TNKS2: variants seen among roughly 807,000 people sequenced by gnomAD.
TNKS2 encodes tankyrase 2, also known as poly [ADP-ribose] polymerase tankyrase-2.
TNKS2 carries 72 observed loss-of-function variants against 137.6 expected under a neutral mutation model. The observed-to-expected ratio is 0.52, with a 90% CI of 0.43 to 0.64. TNKS2 has a LOEUF of 0.64. Ranked by LOEUF, TNKS2 falls within the 30% of genes least tolerant of loss-of-function variation. The pLI, the probability that TNKS2 is intolerant of heterozygous loss-of-function variation, is 0.00. For synonymous variants in TNKS2, 516 were observed against 512.1 expected (o/e 1.01, Z -0.10); for missense variants, 1,049 against 1,410.2 (o/e 0.74, Z 4.10).
Position 91,855,643 on chromosome 10 carries a change from T to C in TNKS2, c.2943T>C (p.Asp981=). The C allele has an allele frequency of 1.2e-6, 2 of 1,613,276 alleles. No individual in the cohort carries two copies. The highest frequency in any genetic ancestry group is 8.5e-7 in the Non-Finnish European group (1 of 1,179,618). ...EMQSTVREHR[D]GGHAGGIFNR... is the part of the protein sequence containing the mutation. ...AAAGTACAGTTCGAGAGCACAGAGA[T>C]GGAGGTCATGCAGGTGGAATCTTCA... is the stretch of plus-strand genomic sequence containing the variant. The change falls in exon 23 of 27, where the codon GAT becomes GAC. Residue 981 remains aspartate, a synonymous_variant. Coordinates refer to ENST00000371627, the MANE Select transcript of TNKS2 (RefSeq NM_025235.4).
At position 91,859,625 on chromosome 10, in the gene TNKS2, C is replaced by T. The variant is rs1364108808; in HGVS notation, c.3258C>T (p.Asp1086=). The T allele has an allele frequency of 6.2e-7, 1 of 1,612,046 alleles. No homozygotes were observed. The highest frequency in any genetic ancestry group is 2.2e-5 in the East Asian group (1 of 44,834). The stretch of plus-strand genomic sequence containing the variant: ...GTACTGGGTGTCCAGTTCACAAAGA[C>T]AGATCTTGTTACATTTGCCACAGGT... The part of the protein sequence containing the change: ...GGGTGCPVHK[D]RSCYICHRQL... The change falls in exon 25 of 27, where the codon GAC becomes GAT. Residue 1086 remains aspartate, a synonymous_variant. Coordinates refer to ENST00000371627, the MANE Select transcript of TNKS2 (RefSeq NM_025235.4).
At chr10:91,837,832 A>G (rs1035196410) in intron 13 of TNKS2, among the ~76,000 whole-genome samples, 1 of 152,200 alleles carries the variant, frequency 6.6e-6, no homozygotes, top group Non-Finnish European at 1.5e-5. Context: ...AAATGCAACT[A>G]TCATGCAGTT....
chr10:91,826,902 A>G, intron 7 of TNKS2, 115 bp from the exon 8 acceptor site: 5 of 1,029,362 alleles, frequency 4.9e-6, no homozygotes, highest in Non-Finnish European at 5.1e-6. Context: ...TGGCTCAAAA[A>G]GTGAACTTTG....
Position 91,798,879 on chromosome 10 carries a change from C to T in TNKS2, c.189C>T (p.His63=). 1.5e-6 allele frequency: 2 copies of T among 1,375,952 alleles called. No homozygotes were observed. The highest frequency in any genetic ancestry group is 6.1e-5 in the East Asian group (2 of 32,838). The allele number at this position is 1,375,952 out of a possible 1,614,324, so 85.2% of individuals were successfully genotyped here. ...CGGGCAGGAAATCCACCCCGCTGCA[C>T]TTCGCCGCAGGTAACCGGGGCCAGC... The part of the protein sequence containing the change: ...DTAGRKSTPL[H]FAAGFGRKDV... Residue 63 remains histidine (H), a synonymous_variant, in exon 1 of 27, where the codon CAC becomes CAT. Transcript: ENST00000371627.
rs1284845915 is a variant in TNKS2, at chr10:91,800,921, T to C, written c.199+2032T>C. Among the ~76,000 whole-genome samples, 3 of 152,348 alleles carry C rather than the reference T, an allele frequency of 2.0e-5. No individual in the cohort carries two copies. The East Asian group carries it at 5.8e-4, about 29-fold the overall frequency. On this transcript the variant is annotated intron_variant, in intron 1 of 26. Transcript: ENST00000371627. ...GGTAGTGAGTTATCAGTCATGTTAATGTGCCTGCAAGCATACTGTTGGAAG... is the reference window on the plus strand; with the variant it reads ...GGTAGTGAGTTATCAGTCATGTTAACGTGCCTGCAAGCATACTGTTGGAAG...
intron 21 of TNKS2, among the ~76,000 whole-genome samples, chr10:91,851,966 C>T (rs1042755238): frequency 6.6e-6 from 1 of 152,214 alleles, no homozygotes; most frequent in African/African-American, 2.4e-5. Flanking sequence ...CGGTGGCTCA[C>T]GCCTGTAATT....
At chr10:91,800,859 C>G (rs1339351562) in intron 1 of TNKS2, among the ~76,000 whole-genome samples, 7 of 152,174 alleles carry the variant, frequency 4.6e-5, no homozygotes, top group African/African-American at 1.4e-4. Context: ...TACCTTTTCA[C>G]TTAATATATG....
At chr10:91,830,490 T>G (rs60740730) in intron 9 of TNKS2, among the ~76,000 whole-genome samples, 1 of 152,212 alleles carries the variant, frequency 6.6e-6, no homozygotes, top group Non-Finnish European at 1.5e-5. Context: ...AGTGCTGGGA[T>G]TACAGGCCTG....
At chr10:91,858,990 C>T (rs1386998182) in intron 24 of TNKS2, among the ~76,000 whole-genome samples, 2 of 151,586 alleles carry the variant, frequency 1.3e-5, no homozygotes, top group Admixed American at 1.3e-4. Flanking sequence ...GCCTGGGCCA[C>T]AGAGCGAGAC....
At chr10:91,857,810 T>G (rs1319302032) in intron 24 of TNKS2, among the ~76,000 whole-genome samples, 1 of 152,192 alleles carries the variant, frequency 6.6e-6, no homozygotes, top group Non-Finnish European at 1.5e-5. Flanking sequence ...TTATGGTCAC[T>G]CTAGGAAATT....
rs146789898 is a variant in TNKS2, at chr10:91,803,262, C to T, written c.199+4373C>T. On this transcript the variant is annotated intron_variant, in intron 1 of 26. Coordinates refer to ENST00000371627, the MANE Select transcript of TNKS2 (RefSeq NM_025235.4). The stretch of plus-strand genomic sequence containing the variant: ...GGCACAGTGCCACAGGCTATAATCC[C>T]AGCACTCTGGGAGGCAAAGGCAGGA... Among the ~76,000 whole-genome samples the T allele has an allele frequency of 4.4e-3, 670 of 152,236 alleles. 9 individuals are homozygous for T. Among genetic ancestry groups the T allele is most frequent in the African/African-American group, 0.015 (635 of 41,542 alleles).
At chr10:91,803,771 T>G (rs942281510) in intron 1 of TNKS2, among the ~76,000 whole-genome samples, 1 of 152,212 alleles carries the variant, frequency 6.6e-6, no homozygotes, top group Non-Finnish European at 1.5e-5. Flanking sequence ...GAGCTTTGTT[T>G]TGTGGCATTT....
intron 9 of TNKS2, among the ~76,000 whole-genome samples, chr10:91,829,261 G>A (rs1845160699): frequency 7.4e-6 from 1 of 134,884 alleles, no homozygotes; most frequent in African/African-American, 2.9e-5. Flanking sequence ...CCTTTTTACT[G>A]CTTGTAAGAA....
In TNKS2 at chr10:91,864,881, G is replaced by A. The variant is rs1236990955; in HGVS notation, c.*1882G>A. On this transcript the variant is annotated 3_prime_UTR_variant, in exon 27 of 27. Coordinates refer to ENST00000371627, the MANE Select transcript of TNKS2 (RefSeq NM_025235.4). ...GTAGCCCATATTACTCACCCTATGA[G>A]TGAATCTGGAATTGCTTTTCATGTG... 2 of 152,568 alleles carry A rather than the reference G, an allele frequency of 1.3e-5. No individual in the cohort carries two copies. The highest frequency in any genetic ancestry group is 2.9e-5 in the Non-Finnish European group (2 of 68,028). The allele number at this position is 152,568 out of a possible 1,614,324, so 9.5% of individuals were successfully genotyped here.
chr10:91,812,901 A>T, intron 1 of TNKS2, 82 bp from the exon 2 acceptor site: 1 of 1,520,572 alleles, frequency 6.6e-7, no homozygotes, highest in East Asian at 2.3e-5. Context: ...TCAACCTGAA[A>T]CATTTTAGTA....
chr10:91,836,597 T>C (rs928186387), intron 12 of TNKS2: 1 of 977,534 alleles, frequency 1.0e-6, no homozygotes, highest in African/African-American at 1.7e-5. Flanking sequence ...AATTTAATAC[T>C]TTTGCACCAT....
At chr10:91,810,828 T>C (rs767687337) in intron 1 of TNKS2, among the ~76,000 whole-genome samples, 1 of 150,932 alleles carries the variant, frequency 6.6e-6, no homozygotes, top group Non-Finnish European at 1.5e-5. Context: ...ACTCCTGATC[T>C]AGCATCTGCC....
intron 1 of TNKS2, among the ~76,000 whole-genome samples, chr10:91,805,803 T>C (rs1844307083): frequency 6.6e-6 from 1 of 152,216 alleles, no homozygotes; most frequent in South Asian, 2.1e-4. Context: ...CTTTTTCTCT[T>C]ACTCTCCAAT....
intron 13 of TNKS2, 136 bp from the exon 14 acceptor site, chr10:91,840,425 A>G: frequency 2.7e-6 from 2 of 735,722 alleles, no homozygotes; most frequent in Non-Finnish European, 4.4e-6. Flanking sequence ...TAAGAATACT[A>G]AATAGTTTCT....
Sources: allele counts gnomAD v4.1 joint callset (sites outside exome capture counted in the v4.1 genomes callset), GRCh38; gene constraint gnomAD v4.1.1; transcripts MANE v1.5; gene names NCBI Gene and HGNC (gene_info 2026-07-23, HGNC 2026-07-21).